Variants in ADAM12 observed in about 807,000 individuals in gnomAD.
ADAM12 encodes ADAM metallopeptidase domain 12.
Under a neutral mutation model 106.4 loss-of-function variants are expected in ADAM12, and 70 were observed. The observed-to-expected ratio is 0.66, with a 90% confidence interval of 0.54 to 0.80. The LOEUF is 0.80. ADAM12 is among the 30% of genes least tolerant of loss of function. The pLI, the probability that ADAM12 is intolerant of heterozygous loss-of-function variation, is 0.00. For synonymous variants in ADAM12, 420 were observed against 433.5 expected (o/e 0.97, Z 0.39); for missense variants, 1,010 against 1,171.9 (o/e 0.86, Z 2.02).
In ADAM12 at chr10:126,017,398, T is replaced by TAC. The variant is rs1425175578; in HGVS notation, c.2661-60_2661-59insGT. On this transcript the variant is annotated intron_variant, in intron 22 of 22. Transcript: ENST00000448723. Reference sequence around the variant, plus strand: ...AGACCTTGAGAAGTGATTCTGAGGATAGAGAGGTCTGGGGTTGGAGATGTA... The same window carrying TAC: ...AGACCTTGAGAAGTGATTCTGAGGATACAGAGAGGTCTGGGGTTGGAGATGTA... The TAC allele has an allele frequency of 9.5e-6, 14 of 1,473,914 alleles. No homozygotes were observed. The Admixed American group carries it at 2.8e-4, about 30-fold the overall frequency. The allele number at this position is 1,473,914 out of a possible 1,614,324, so 91.3% of individuals were successfully genotyped here.
intron 4 of ADAM12, among the ~76,000 whole-genome samples, chr10:126,147,629 T>C (rs1344002634): frequency 2.0e-5 from 3 of 152,220 alleles, no homozygotes; most frequent in Admixed American, 2.0e-4. Flanking sequence ...GGTTCATGCC[T>C]CCTCAGCCTC....
chr10:126,038,121 G>C, intron 20 of ADAM12, 120 bp downstream of exon 20: 1 of 973,140 alleles, frequency 1.0e-6, no homozygotes, highest in African/African-American at 1.6e-5. Flanking sequence ...TGCTGACCTA[G>C]TGAGGCTGAC....
At chr10:126,122,877 A>G (rs890817376) in intron 5 of ADAM12, among the ~76,000 whole-genome samples, 1 of 152,256 alleles carries the variant, frequency 6.6e-6, no homozygotes, top group Non-Finnish European at 1.5e-5. Flanking sequence ...TCTATTTTAC[A>G]TCGGATCTAA....
At chr10:126,233,820 T>C (rs376479358) in intron 3 of ADAM12, among the ~76,000 whole-genome samples, 17 of 152,218 alleles carry the variant, frequency 1.1e-4, no homozygotes, top group African/African-American at 3.4e-4. Context: ...GTCTTTGATC[T>C]ATGATAACAG....
chr10:126,217,044 G>A (rs1263446013), intron 3 of ADAM12, among the ~76,000 whole-genome samples: 2 of 152,154 alleles, frequency 1.3e-5, no homozygotes, highest in East Asian at 3.9e-4. Flanking sequence ...TCAAGAATCA[G>A]GGATGTCAGC....
At chr10:126,078,126 G>T (rs1006647035) in intron 11 of ADAM12, among the ~76,000 whole-genome samples, 3 of 152,134 alleles carry the variant, frequency 2.0e-5, no homozygotes, top group Non-Finnish European at 4.4e-5. Flanking sequence ...AGCAAAGCAG[G>T]TGCCAATGCT....
intron 17 of ADAM12, among the ~76,000 whole-genome samples, chr10:126,044,277 A>AT (rs1363427673): frequency 5.1e-5 from 7 of 136,728 alleles, no homozygotes; most frequent in Non-Finnish European, 8.2e-5. Flanking sequence ...CTTTATAAAG[A>AT]TAAAAAAAAA....
intron 3 of ADAM12, among the ~76,000 whole-genome samples, chr10:126,212,599 A>G (rs1445963120): frequency 6.6e-6 from 1 of 152,118 alleles, no homozygotes; most frequent in East Asian, 1.9e-4. Context: ...ATTCCTACAT[A>G]TATGAAGAAA....
chr10:126,124,971 T>C (rs948196595), intron 5 of ADAM12, among the ~76,000 whole-genome samples: 11 of 151,042 alleles, frequency 7.3e-5, no homozygotes, highest in Admixed American at 5.9e-4. Context: ...ATAGCAGCTA[T>C]GATGTATGAA....
chr10:126,020,977 A>T (rs1040819042), intron 21 of ADAM12, among the ~76,000 whole-genome samples: 20 of 128,996 alleles, frequency 1.6e-4, no homozygotes, highest in South Asian at 5.7e-4. Context: ...TAGGTGACAG[A>T]GTGAGACTCT....
intron 1 of ADAM12, among the ~76,000 whole-genome samples, chr10:126,358,687 AG>A (rs1424301156): frequency 6.6e-6 from 1 of 152,214 alleles, no homozygotes; most frequent in Non-Finnish European, 1.5e-5. Flanking sequence ...CAAATAGGAA[AG>A]GAAGAAGTAA....
intron 3 of ADAM12, among the ~76,000 whole-genome samples, chr10:126,231,999 T>C (rs1284889944): frequency 6.6e-6 from 1 of 152,160 alleles, no homozygotes; most frequent in Non-Finnish European, 1.5e-5. Context: ...ACTGCAAACT[T>C]TATATAACTG....
chr10:126,336,406 G>T (rs1181476678), intron 1 of ADAM12, among the ~76,000 whole-genome samples: 1 of 152,178 alleles, frequency 6.6e-6, no homozygotes, highest in African/African-American at 2.4e-5. Flanking sequence ...CAGAAAGATG[G>T]CATGTTTGCC....
At chr10:126,037,285 CTTT>C (rs34515487) in intron 20 of ADAM12, among the ~76,000 whole-genome samples, 1 of 136,298 alleles carries the variant, frequency 7.3e-6, no homozygotes, top group Non-Finnish European at 1.5e-5. Context: ...TAAGGCTGTG[CTTT>C]TTTTTTTTTT....
intron 1 of ADAM12, among the ~76,000 whole-genome samples, chr10:126,370,548 C>T (rs558430163): frequency 7.9e-5 from 12 of 152,278 alleles, no homozygotes; most frequent in African/African-American, 2.9e-4. Context: ...AAATGGGTCT[C>T]CAGTCCTGTT....
At chr10:126,198,235 C>T (rs762464487) in intron 3 of ADAM12, among the ~76,000 whole-genome samples, 1 of 152,196 alleles carries the variant, frequency 6.6e-6, no homozygotes, top group Non-Finnish European at 1.5e-5. Flanking sequence ...CCCATGCTCT[C>T]CGGCATCAGT....
intron 3 of ADAM12, among the ~76,000 whole-genome samples, chr10:126,190,989 CCTTTTTTTTTTTT>C (rs1288374283): frequency 0.1 from 6,913 of 68,672 alleles, 995 homozygotes; most frequent in East Asian, 0.27. Flanking sequence ...GGAGTTTTGT[CCTTTTTTTTTTTT>C]TTTTTTTTTT....
At chr10:126,274,624 G>A (rs1590718323) in intron 3 of ADAM12, among the ~76,000 whole-genome samples, 1 of 152,324 alleles carries the variant, frequency 6.6e-6, no homozygotes, top group East Asian at 1.9e-4. Context: ...TGCATTGCCA[G>A]GAAATGTGAT....
chr10:126,064,762 C>A lies in ADAM12; in HGVS notation c.1609+44G>T. 3.2e-6 allele frequency: 5 copies of A among 1,548,184 alleles called. No individual in the cohort carries two copies. Among genetic ancestry groups the A allele is most frequent in the Non-Finnish European group, 4.4e-6 (5 of 1,147,436 alleles). The stretch of plus-strand genomic sequence containing the variant: ...ATGCCCCCAGTCCCACAGCCCAGGT[C>A]TGCCAGTGCCTCTCCTGATGCCGAG... On this transcript the variant is annotated intron_variant, in intron 14 of 22. Transcript: ENST00000448723. This position sits in a 1 kb window ranked among gnomAD's most constrained non-coding sequence, Gnocchi z 4.4.
Sources: gnomAD v4.1 joint callset for allele counts (sites outside exome capture counted in the v4.1 genomes callset) on GRCh38, gnomAD v4.1.1 for gene constraint, Gnocchi (gnomAD v3.1) non-coding constraint, MANE v1.5 for transcripts, NCBI Gene and HGNC (gene_info 2026-07-23, HGNC 2026-07-21) for gene names.